Variants in MYCBP2 observed in about 807,000 individuals in gnomAD.
The protein encoded by MYCBP2 is E3 ubiquitin-protein ligase MYCBP2.
A neutral mutation model predicts 525.3 loss-of-function variants in MYCBP2; 120 were observed. That is an observed-to-expected ratio of 0.23 (90% CI 0.20 to 0.27). The LOEUF (loss-of-function observed/expected upper bound fraction) is 0.27. Among genes scored for constraint, MYCBP2 ranks in the 10% least tolerant of loss-of-function variants. MYCBP2 has a pLI of 1.00. For missense variants in MYCBP2, 4,149 were observed against 5,657.1 expected (o/e 0.73, Z 8.55); for synonymous variants, 1,894 against 1,955.8 (o/e 0.97, Z 0.83).
Position 77,326,524 on chromosome 13 carries a change from C to G in MYCBP2, c.252G>C (p.Ala84=). 2 of 1,599,498 alleles carry G rather than the reference C, an allele frequency of 1.3e-6. No homozygotes were observed. Among genetic ancestry groups the G allele is most frequent in the Non-Finnish European group, 8.5e-7 (1 of 1,173,340 alleles). The change falls in exon 1 of 83, where the codon GCG becomes GCC. Residue 84 remains alanine, a synonymous_variant. Coordinates refer to ENST00000544440, the MANE Select transcript of MYCBP2 (RefSeq NM_015057.5). The surrounding 1 kb of genome is among the most constrained non-coding windows in gnomAD (Gnocchi z 4.2). ...CGCCCCCCTGGTCCCTGTCATTGAG[C>G]GCAGCGGTATAAATCCTCCGGTAGC... ...ADRYRRIYTA[A]LNDRDQGGGS...
chr13:77,096,463 C>T lies in MYCBP2; in HGVS notation c.9803G>A (p.Gly3268Asp). The T allele has an allele frequency of 6.2e-7, 1 of 1,613,146 alleles. No individual in the cohort carries two copies. The highest frequency in any genetic ancestry group is 2.2e-5 in the East Asian group (1 of 44,822). Reference sequence around the variant, plus strand: ...CCCAATGCTATTGTAACCTTGTCCACCAGCATATCGGCCACAACCTTGAAA... The same window carrying T: ...CCCAATGCTATTGTAACCTTGTCCATCAGCATATCGGCCACAACCTTGAAA... Reference protein sequence around the residue: ...QAHPGCGRYAGGQGYNSIGHF... With the variant: ...QAHPGCGRYADGQGYNSIGHF... The change falls in exon 57 of 83, where the codon GGT becomes GAT. Residue 3268 changes from glycine (G) to aspartate (D), a missense_variant. Around this residue, in one of 21 missense-constraint regions of MYCBP2, gnomAD observed 26 missense variants for 48.2 expected, o/e 0.54. Transcript: ENST00000544440.
chr13:77,066,953 G>A (rs1265863045), intron 71 of MYCBP2, among the ~76,000 whole-genome samples: 2 of 151,880 alleles, frequency 1.3e-5, no homozygotes, highest in African/African-American at 4.8e-5. Flanking sequence ...AAATTGATTT[G>A]TAGTCATACT....
chr13:77,236,351 G>A (rs1474729321), intron 17 of MYCBP2, among the ~76,000 whole-genome samples: 1 of 152,110 alleles, frequency 6.6e-6, no homozygotes, highest in African/African-American at 2.4e-5. Flanking sequence ...TTCATCTGTA[G>A]GCAGGTAGGC....
intron 23 of MYCBP2, among the ~76,000 whole-genome samples, chr13:77,208,817 ATTAT>A (rs1054321426): frequency 3.3e-5 from 5 of 152,186 alleles, no homozygotes; most frequent in African/African-American, 1.2e-4. Context: ...AAATTCACAT[ATTAT>A]TTGTGTAAAT....
intron 4 of MYCBP2, among the ~76,000 whole-genome samples, chr13:77,274,712 TATC>T (rs1295798812): frequency 1.3e-5 from 2 of 152,222 alleles, no homozygotes; most frequent in South Asian, 2.1e-4. Flanking sequence ...CAATCCATGC[TATC>T]ATCATCTCTT....
In MYCBP2 at chr13:77,125,486, G is replaced by A. The variant is rs1008684818; in HGVS notation, c.7885-18C>T. The A allele has an allele frequency of 1.2e-6, 2 of 1,611,908 alleles. No homozygotes were observed. The highest frequency in any genetic ancestry group is 2.2e-5 in the East Asian group (1 of 44,828). On this transcript the variant is annotated intron_variant, in intron 53 of 82. Coordinates refer to ENST00000544440, the MANE Select transcript of MYCBP2 (RefSeq NM_015057.5). ...TTGGTTACCTGGTACATAACAAAAA[G>A]CATGATTGATTGGCTTGATTCTTTC...
chr13:77,093,925 CTG>C (rs556373278), intron 58 of MYCBP2, among the ~76,000 whole-genome samples: 5 of 152,268 alleles, frequency 3.3e-5, no homozygotes, highest in African/African-American at 1.2e-4. Flanking sequence ...TATAATTATG[CTG>C]TGTTAGCATT....
intron 47 of MYCBP2, among the ~76,000 whole-genome samples, chr13:77,148,006 A>C (rs1437712533): frequency 6.6e-6 from 1 of 152,148 alleles, no homozygotes; most frequent in Non-Finnish European, 1.5e-5. Context: ...AATTTGCAAA[A>C]GAAATTATAC....
At chr13:77,103,656 A>G (rs867933747) in intron 55 of MYCBP2, among the ~76,000 whole-genome samples, 7 of 152,010 alleles carry the variant, frequency 4.6e-5, no homozygotes, top group African/African-American at 1.7e-4. Flanking sequence ...ATAAAGATTT[A>G]CAAGTTTTTT....
At position 77,156,135 on chromosome 13, in the gene MYCBP2, G is replaced by A. The variant is rs746498302; in HGVS notation, c.6838C>T (p.Arg2280Cys). The change falls in exon 46 of 83, where the codon CGT becomes TGT. Residue 2280 changes from arginine (R) to cysteine (C), a missense_variant. This residue lies in a region of MYCBP2 where 692 missense variants were observed against 852.7 expected (regional missense o/e 0.81). Coordinates refer to ENST00000544440, the MANE Select transcript of MYCBP2 (RefSeq NM_015057.5). ...TSLILNKDDIRCGWPTTITVQ... is the reference protein window; with the variant it reads ...TSLILNKDDICCGWPTTITVQ... ...GTTATGGTGGTAGGCCAACCACAACGAATATCATCCTTATTCAGGATCAAA... is the reference window on the plus strand; with the variant it reads ...GTTATGGTGGTAGGCCAACCACAACAAATATCATCCTTATTCAGGATCAAA... The A allele has an allele frequency of 8.7e-6, 14 of 1,613,926 alleles. No individual in the cohort carries two copies. The highest frequency in any genetic ancestry group is 3.3e-5 in the South Asian group (3 of 91,062).
intron 52 of MYCBP2, among the ~76,000 whole-genome samples, chr13:77,138,336 AC>A (rs1447619777): frequency 1.3e-5 from 2 of 152,212 alleles, no homozygotes; most frequent in South Asian, 4.1e-4. Context: ...TATATAAACT[AC>A]TGCTTTGGAG....
intron 17 of MYCBP2, among the ~76,000 whole-genome samples, chr13:77,241,935 T>G (rs886621915): frequency 1.3e-4 from 20 of 152,268 alleles, no homozygotes; most frequent in Admixed American, 1.1e-3. Flanking sequence ...ATTTAAAATA[T>G]GCAATATCAG....
chr13:77,097,796 C>T lies in MYCBP2; in HGVS notation c.9358G>A (p.Val3120Ile), dbSNP rs753975405. 3 of 1,613,670 alleles carry T rather than the reference C, an allele frequency of 1.9e-6. No homozygotes were observed. Among genetic ancestry groups the T allele is most frequent in the Non-Finnish European group, 2.5e-6 (3 of 1,179,770 alleles). The change falls in exon 56 of 83, where the codon GTA becomes ATA. Residue 3120 changes from valine (V) to isoleucine (I), a missense_variant. Physicochemically the swap from Val to Ile is conservative, Grantham distance 29. Transcript: ENST00000544440. The part of the protein sequence containing the change: ...SKMGSINKNK[V>I]LSMLKEPPLH... The stretch of plus-strand genomic sequence containing the variant: ...GGTGGTTCCTTAAGCATAGACAATA[C>T]CTTGTTTTTGTTGATGCTACCCATC...
chr13:77,157,170 T>C (rs1030118023), intron 45 of MYCBP2, among the ~76,000 whole-genome samples: 5 of 152,032 alleles, frequency 3.3e-5, no homozygotes, highest in East Asian at 1.9e-4. Flanking sequence ...CCTCCGCCTC[T>C]AGGGTTTGAG....
intron 14 of MYCBP2, among the ~76,000 whole-genome samples, chr13:77,253,889 T>C (rs1464603610): frequency 6.6e-6 from 1 of 151,908 alleles, no homozygotes; most frequent in Non-Finnish European, 1.5e-5. Context: ...AAATCCACAA[T>C]AGAGCAATTA....
chr13:77,133,157 G>A (rs2053194282), intron 52 of MYCBP2, among the ~76,000 whole-genome samples: 1 of 151,964 alleles, frequency 6.6e-6, no homozygotes, highest in Admixed American at 6.6e-5. Flanking sequence ...ATAAATGCAT[G>A]GGCTTTGGAA....
At chr13:77,284,279 A>G (rs558610160) in intron 3 of MYCBP2, among the ~76,000 whole-genome samples, 6 of 152,158 alleles carry the variant, frequency 3.9e-5, no homozygotes, top group African/African-American at 1.2e-4. Context: ...CTCAGGCAAG[A>G]AGGAATGGGA....
chr13:77,107,887 T>G (rs1465238627), intron 55 of MYCBP2, among the ~76,000 whole-genome samples: 1 of 152,180 alleles, frequency 6.6e-6, no homozygotes, highest in African/African-American at 2.4e-5. Context: ...TTCTTTGTAG[T>G]AAACTTAGGA....
Position 77,165,353 on chromosome 13 carries a change from A to G in MYCBP2, c.6379T>C (p.Tyr2127His). The change falls in exon 42 of 83, where the codon TAT becomes CAT. Residue 2127 changes from tyrosine to histidine, a missense_variant. Transcript: ENST00000544440. ...AAAGAAGCTTTGTCATCTTTCACAT[A>G]ATCTGATGCAGTCTCCAATGAAAAA... Reference protein sequence around the residue: ...ALFSLETASDYVKDDKASFYG... With the variant: ...ALFSLETASDHVKDDKASFYG... 1 of 1,610,848 alleles carries G rather than the reference A, an allele frequency of 6.2e-7. No individual in the cohort carries two copies. The highest frequency in any genetic ancestry group is 1.1e-5 in the South Asian group (1 of 89,974).
Sources: allele counts gnomAD v4.1 joint callset (sites outside exome capture counted in the v4.1 genomes callset), GRCh38; gene constraint gnomAD v4.1.1; regional missense constraint gnomAD v4.1.1; non-coding constraint Gnocchi (gnomAD v3.1); transcripts MANE v1.5; gene names NCBI Gene and HGNC (gene_info 2026-07-23, HGNC 2026-07-21).